The following MYO19 variants were observed in gnomAD, a reference collection of about 807,000 sequenced individuals.
The protein encoded by MYO19 is unconventional myosin-XIX.
Under a neutral mutation model 129.2 loss-of-function variants are expected in MYO19, and 132 were observed. The observed-to-expected ratio is 1.02, with a 90% CI of 0.89 to 1.18. MYO19 has a LOEUF of 1.18. Among genes scored for constraint, MYO19 ranks in the 50% most tolerant of loss-of-function variants. The probability of loss-of-function intolerance (pLI) is 0.00; values close to 1 mark genes in which losing one functional copy is unlikely to be tolerated. For synonymous variants in MYO19, 531 were observed against 477.2 expected, an observed-to-expected ratio of 1.11 and a Z score of -1.47; for missense variants, 1,210 against 1,216.7, an observed-to-expected ratio of 0.99 and a Z score of 0.08.
Position 36,499,158 on chromosome 17 carries a change from T to C in MYO19, c.2380A>G (p.Ile794Val), listed in dbSNP as rs774287731. 2 of 1,602,564 alleles carry C rather than the reference T, an allele frequency of 1.2e-6. No homozygotes were observed. Among genetic ancestry groups the C allele is most frequent in the African/African-American group, 1.3e-5 (1 of 74,786 alleles). Residue 794 changes from isoleucine (I) to valine (V), a missense_variant and splice_region_variant, in exon 24 of 26, where the codon ATT becomes GTT. Coordinates refer to ENST00000614623, the MANE Select transcript of MYO19 (RefSeq NM_001163735.2). ...TGTTTCCGAGTTAACCAGGAACGAATGGCTAAGAGGTTTGCCCAGAAACAG... is the reference window on the plus strand; with the variant it reads ...TGTTTCCGAGTTAACCAGGAACGAACGGCTAAGAGGTTTGCCCAGAAACAG... The part of the protein sequence containing the change: ...WRAVMLIQAA[I>V]RSWLTRKHIQ...
At chr17:36,512,313 C>T (rs1216022660) in intron 11 of MYO19, among the ~76,000 whole-genome samples, 2 of 149,044 alleles carry the variant, frequency 1.3e-5, no homozygotes, top group Non-Finnish European at 3.0e-5. Flanking sequence ...CACTTGAACC[C>T]GGGAAGAGGA....
intron 1 of MYO19, chr17:36,543,025 TTTTG>T (rs752878478): frequency 5.3e-5 from 8 of 151,998 alleles, no homozygotes; most frequent in East Asian, 2.0e-4. Flanking sequence ...CTGGTTTTTG[TTTTG>T]TTTTTTACAT....
Position 36,528,443 on chromosome 17 carries a change from G to A in MYO19, c.13-241C>T, listed in dbSNP as rs143486196. Among the ~76,000 whole-genome samples, 316 of 152,082 alleles carry A rather than the reference G, an allele frequency of 2.1e-3. 4 individuals are homozygous for A. The highest frequency in any genetic ancestry group is 7.2e-3 in the African/African-American group (297 of 41,472). On this transcript the variant is annotated intron_variant, in intron 3 of 25. Transcript: ENST00000614623. ...GGAGAATGGCGTGAACCCGGGAGGC[G>A]GAGCTTGCAGTGAGCCAACATTGTG... is the stretch of plus-strand genomic sequence containing the variant.
In MYO19 at chr17:36,526,661, T is replaced by C. The variant is rs201907189; in HGVS notation, c.300+890A>G. On this transcript the variant is annotated intron_variant, in intron 5 of 25. Coordinates refer to ENST00000614623, the MANE Select transcript of MYO19 (RefSeq NM_001163735.2). ...CAGCACTTTGGGAGGCTACGGCAGG[T>C]GGATCACTTGAGGTCAGGAGTTCGA... is the stretch of plus-strand genomic sequence containing the variant. Among the ~76,000 whole-genome samples, 3 of 152,026 alleles carry C rather than the reference T, an allele frequency of 2.0e-5. No individual in the cohort carries two copies. The South Asian group carries it at 6.2e-4, about 32-fold the overall frequency.
In MYO19 at chr17:36,513,692, G is replaced by A. The variant is rs779035979; in HGVS notation, c.754C>T (p.Gln252Ter). 16 of 1,613,876 alleles carry A rather than the reference G, an allele frequency of 9.9e-6. No individual in the cohort carries two copies. The highest frequency in any genetic ancestry group is 1.4e-5 in the Non-Finnish European group (16 of 1,179,852). The change falls in exon 10 of 26, where the codon CAG (glutamine) becomes TAG (stop). Residue 252 changes from glutamine to a stop codon, truncating the protein, a stop_gained. Transcript: ENST00000614623. LOFTEE classifies it high-confidence loss of function. ...CKGASEDERL[Q>*]WHLPEGAAFS... The stretch of plus-strand genomic sequence containing the variant: ...GCAGCTCCCTCAGGAAGGTGCCACT[G>A]GAGCCTCTCGTCCTCACTGGCTCCT...
rs550045364 is a variant in MYO19 at position 36,517,683 on chromosome 17, T to C, written c.415-1693A>G. Among the ~76,000 whole-genome samples, 5 of 152,354 alleles carry C rather than the reference T, an allele frequency of 3.3e-5. No homozygotes were observed. The South Asian group carries it at 8.3e-4, about 25-fold the overall frequency. ...GTTTATTCTGTTCCCCTCTAGCTTC[T>C]TAAGGTATGCCACAGACTGAATTGT... On this transcript the variant is annotated intron_variant, in intron 6 of 25. Coordinates refer to ENST00000614623, the MANE Select transcript of MYO19 (RefSeq NM_001163735.2).
At chr17:36,542,358 G>A (rs756912065) in intron 1 of MYO19, 4 of 152,126 alleles carry the variant, frequency 2.6e-5, no homozygotes, top group Non-Finnish European at 2.9e-5. Context: ...CCTATATAAT[G>A]AGCTTGTCAT....
chr17:36,496,243 AC>A lies in MYO19; in HGVS notation c.*7del, dbSNP rs752967438. 6.2e-7 allele frequency: 1 copy of A among 1,613,662 alleles called. No homozygotes were observed. Among genetic ancestry groups the A allele is most frequent in the Non-Finnish European group, 8.5e-7 (1 of 1,179,680 alleles). On this transcript the variant is annotated 3_prime_UTR_variant, in exon 26 of 26. Coordinates refer to ENST00000614623, the MANE Select transcript of MYO19 (RefSeq NM_001163735.2). ...GAAAAGGCCTTGTGGAAACAAAGGC[AC>A]CAAGGATCACCCCAGCCCAGTGAAG...
intron 3 of MYO19, 49 bp from the exon 4 acceptor site, chr17:36,528,251 A>G (rs1169013097): frequency 3.3e-6 from 5 of 1,535,826 alleles, no homozygotes; most frequent in South Asian, 1.2e-5. Flanking sequence ...GCTCATGCCT[A>G]TAATCCCAGC....
At chr17:36,541,530 A>C (rs556400033) in intron 2 of MYO19, among the ~76,000 whole-genome samples, 1 of 152,272 alleles carries the variant, frequency 6.6e-6, no homozygotes, top group South Asian at 2.1e-4. Context: ...CTAGCGTCTC[A>C]CACATTTGGA....
At position 36,527,574 on chromosome 17, in the gene MYO19, A is replaced by T; in HGVS notation, c.277T>A (p.Tyr93Asn). 1 of 1,613,804 alleles carries T rather than the reference A, an allele frequency of 6.2e-7. No homozygotes were observed. The highest frequency in any genetic ancestry group is 1.1e-5 in the South Asian group (1 of 91,066). Residue 93 changes from tyrosine (Y) to asparagine (N), a missense_variant, in exon 5 of 26, where the codon TAC becomes AAC. Tyr to Asn is a moderately radical substitution (Grantham distance 143). Transcript: ENST00000614623. ...QLYSPELMREYHAAPQPQKLK... is the reference protein window; with the variant it reads ...QLYSPELMRENHAAPQPQKLK... ...ACCTGGGGCTGAGGCGCAGCATGGT[A>T]CTCTCTCATTAGCTCGGGCGAGTAG...
chr17:36,499,122 G>C lies in MYO19; in HGVS notation c.2416C>G (p.Leu806Val). 8 of 1,610,204 alleles carry C rather than the reference G, an allele frequency of 5.0e-6. No homozygotes were observed. In the South Asian group the frequency reaches 7.8e-5, roughly 16 times the overall value. The stretch of plus-strand genomic sequence containing the variant: ...TTGATGACTGTGGCAGCTGCATGCA[G>C]CCTCTGGATGTGTTTCCGAGTTAAC... ...SWLTRKHIQRLHAAATVIKRA... is the reference protein window; with the variant it reads ...SWLTRKHIQRVHAAATVIKRA... The change falls in exon 24 of 26, where the codon CTG becomes GTG. Residue 806 changes from leucine to valine, a missense_variant. Transcript: ENST00000614623.
chr17:36,507,195 C>T (rs1358696280), intron 16 of MYO19, 56 bp from the exon 17 acceptor site: 7 of 1,568,934 alleles, frequency 4.5e-6, no homozygotes, highest in Non-Finnish European at 6.1e-6. Flanking sequence ...CACCACAACC[C>T]TCACTGTCCC....
chr17:36,535,518 G>C (rs2074087137), upstream of MYO19: 1 of 152,274 alleles, frequency 6.6e-6, no homozygotes, highest in South Asian at 2.1e-4. Context: ...TTCCCGCGTG[G>C]TTTGGCGGGT....
At chr17:36,538,066 CAG>C (rs1271057907), upstream of MYO19, 10 of 1,614,018 alleles carry the variant, frequency 6.2e-6, no homozygotes, top group African/African-American at 1.3e-5. Flanking sequence ...GGTGTGCAAA[CAG>C]GGTTATATAT....
chr17:36,525,201 GACAGGATGGGAAAGACGTCTTCCT>G lies in MYO19; in HGVS notation c.414+3_414+26del. 2 of 1,563,168 alleles carry G rather than the reference GACAGGATGGGAAAGACGTCTTCCT, an allele frequency of 1.3e-6. No homozygotes were observed. Among genetic ancestry groups the G allele is most frequent in the Non-Finnish European group, 1.8e-6 (2 of 1,134,386 alleles). On this transcript the variant is annotated splice_donor_5th_base_variant and intron_variant, in intron 6 of 25. Transcript: ENST00000614623. ...CTGTCCACCCAGCCAGTCGTGAGTT[GACAGGATGGGAAAGACGTCTTCCT>G]ACCTTTCCAGCACCACTCTCTCCAC...
intron 6 of MYO19, among the ~76,000 whole-genome samples, chr17:36,524,261 A>C (rs2073323670): frequency 6.6e-6 from 1 of 152,224 alleles, no homozygotes; most frequent in Non-Finnish European, 1.5e-5. Context: ...TCTGTCTCTC[A>C]GCAGACTAAG....
chr17:36,510,087 G>C (rs1408408584), intron 13 of MYO19, among the ~76,000 whole-genome samples: 1 of 152,216 alleles, frequency 6.6e-6, no homozygotes, highest in African/African-American at 2.4e-5. Context: ...GGTGCCCAAG[G>C]TCTCATGTGC....
At chr17:36,523,475 TA>T (rs1438613827) in intron 6 of MYO19, among the ~76,000 whole-genome samples, 5 of 152,328 alleles carry the variant, frequency 3.3e-5, no homozygotes, top group African/African-American at 1.2e-4. Flanking sequence ...TAATGGTATA[TA>T]AAAACTAAAC....
Sources: gnomAD v4.1 joint callset for allele counts (sites outside exome capture counted in the v4.1 genomes callset) on GRCh38, gnomAD v4.1.1 for gene constraint, MANE v1.5 for transcripts, NCBI Gene and HGNC (gene_info 2026-07-23, HGNC 2026-07-21) for gene names.